Variants in SEC11A observed in about 807,000 individuals in gnomAD.
SEC11A encodes the protein signal peptidase complex catalytic subunit SEC11A.
A neutral mutation model predicts 25.6 loss-of-function variants in SEC11A; 14 were observed. That is an observed-to-expected ratio of 0.55 (90% CI 0.36 to 0.85). The LOEUF is 0.85. SEC11A is among the 40% of genes least tolerant of loss of function. The probability of loss-of-function intolerance (pLI) is 0.01; values close to 1 mark genes in which losing one functional copy is unlikely to be tolerated. For synonymous variants in SEC11A, 83 were observed against 76.4 expected (o/e 1.09, Z -0.45); for missense variants, 153 against 222.9 (o/e 0.69, Z 2.00).
At chr15:84,708,624 G>C (rs1898170449) in intron 1 of SEC11A, among the ~76,000 whole-genome samples, 1 of 151,932 alleles carries the variant, frequency 6.6e-6, no homozygotes, top group Admixed American at 6.6e-5. Flanking sequence ...AAATTAACCA[G>C]GTATGAAATG....
chr15:84,684,705 G>A (rs749459223), intron 3 of SEC11A, among the ~76,000 whole-genome samples: 7 of 152,154 alleles, frequency 4.6e-5, no homozygotes, highest in African/African-American at 9.7e-5. Context: ...GCAGAGGTGG[G>A]TGAATCATTT....
At chr15:84,680,107 T>TGAG (rs1253979609) in intron 4 of SEC11A, 5 of 512,452 alleles carry the variant, frequency 9.8e-6, no homozygotes, top group Non-Finnish European at 1.7e-5. Context: ...TAGTACTTCT[T>TGAG]AAGAAATATA....
chr15:84,680,257 C>T (rs953003943), intron 4 of SEC11A, among the ~76,000 whole-genome samples: 2 of 150,546 alleles, frequency 1.3e-5, no homozygotes, highest in African/African-American at 4.9e-5. Context: ...GCTGAGATCG[C>T]GCTATTGCAC....
At chr15:84,700,924 A>G (rs1222818761) in intron 1 of SEC11A, among the ~76,000 whole-genome samples, 1 of 149,654 alleles carries the variant, frequency 6.7e-6, no homozygotes, top group Non-Finnish European at 1.5e-5. Flanking sequence ...AGGTTGCAGT[A>G]AGCCGACATC....
At chr15:84,678,139 A>G (rs1897189792) in intron 4 of SEC11A, among the ~76,000 whole-genome samples, 1 of 152,122 alleles carries the variant, frequency 6.6e-6, no homozygotes, top group Non-Finnish European at 1.5e-5. Context: ...AGAGGTTGCA[A>G]TAAGCTGAGA....
chr15:84,692,431 G>GA (rs756266069), intron 1 of SEC11A, among the ~76,000 whole-genome samples: 1 of 152,102 alleles, frequency 6.6e-6, no homozygotes, highest in African/African-American at 2.4e-5. Flanking sequence ...AAACTGTCTC[G>GA]AAAAGAGGAG....
At chr15:84,714,886 A>G (rs1288751274) in intron 1 of SEC11A, 1 of 152,240 alleles carries the variant, frequency 6.6e-6, no homozygotes, top group Non-Finnish European at 1.5e-5. Context: ...AGTACAATAA[A>G]TATCAGACTC....
At chr15:84,684,401 C>A (rs1223813194) in intron 3 of SEC11A, among the ~76,000 whole-genome samples, 1 of 152,126 alleles carries the variant, frequency 6.6e-6, no homozygotes, top group Non-Finnish European at 1.5e-5. Context: ...GACCTCTTGC[C>A]TGCCGACATG....
intron 3 of SEC11A, among the ~76,000 whole-genome samples, chr15:84,685,337 A>G (rs1222566209): frequency 6.6e-6 from 1 of 151,898 alleles, no homozygotes; most frequent in Non-Finnish European, 1.5e-5. Context: ...GGCTCACTGC[A>G]GCCTCAACCT....
chr15:84,709,505 T>C (rs1381736364), intron 1 of SEC11A, among the ~76,000 whole-genome samples: 2 of 151,396 alleles, frequency 1.3e-5, no homozygotes, highest in Non-Finnish European at 2.9e-5. Context: ...TGCAGTGGTG[T>C]GATCTTGGCT....
Position 84,691,295 on chromosome 15 carries a change from A to G in SEC11A, c.161+240T>C, listed in dbSNP as rs150308882. Reference sequence around the variant, plus strand: ...CACCACGTTGCCCAAGCTAGTCTCAAATTCCATAGCTCAAGTAATCCACCG... The same window carrying G: ...CACCACGTTGCCCAAGCTAGTCTCAGATTCCATAGCTCAAGTAATCCACCG... On this transcript the variant is annotated intron_variant, in intron 2 of 5. Transcript: ENST00000268220. Among the ~76,000 whole-genome samples the G allele has an allele frequency of 3.9e-3, 601 of 152,180 alleles. 2 individuals carry two copies. The highest frequency in any genetic ancestry group is 0.014 in the African/African-American group (571 of 41,512).
chr15:84,680,964 T>C, intron 3 of SEC11A, 132 bp from the exon 4 acceptor site: 1 of 686,978 alleles, frequency 1.5e-6, no homozygotes, highest in Non-Finnish European at 2.3e-6. Context: ...GAAATAATTA[T>C]TTATGGAGCT....
intron 1 of SEC11A, among the ~76,000 whole-genome samples, chr15:84,695,329 G>A (rs1347640067): frequency 2.0e-5 from 3 of 151,690 alleles, no homozygotes; most frequent in Non-Finnish European, 2.9e-5. Flanking sequence ...TGGGCTTGGT[G>A]GCACATGCCT....
chr15:84,696,688 C>T (rs1037843193), intron 1 of SEC11A, among the ~76,000 whole-genome samples: 11 of 151,922 alleles, frequency 7.2e-5, no homozygotes, highest in Non-Finnish European at 1.2e-4. Flanking sequence ...TGGCAATATC[C>T]CAATATCAAA....
At position 84,701,165 on chromosome 15, in the gene SEC11A, GAA is replaced by G. The variant is rs34721959; in HGVS notation, c.52-9523_52-9522del. On this transcript the variant is annotated intron_variant, in intron 1 of 5. Coordinates refer to ENST00000268220, the MANE Select transcript of SEC11A (RefSeq NM_014300.4). Reference sequence around the variant, plus strand: ...TTATCTCAAATGAAAAAGCAAATAGGAAAAAAAAAAAAAAAAAGACTGAGCCA... The same window carrying G: ...TTATCTCAAATGAAAAAGCAAATAGGAAAAAAAAAAAAAAAGACTGAGCCA... 1.2e-3 allele frequency among the ~76,000 whole-genome samples: 141 copies of G among 118,350 alleles called. 1 individual carries two copies. Among genetic ancestry groups the G allele is most frequent in the Non-Finnish European group, 1.9e-3 (107 of 57,354 alleles). 77.6% of individuals were successfully genotyped at this position (118,350 alleles called of 152,430 possible). A position where few individuals can be genotyped will look rare whatever the true frequency, so the allele number is the denominator to read the frequency against.
intron 2 of SEC11A, among the ~76,000 whole-genome samples, 198 bp downstream of exon 2, chr15:84,691,337 T>C (rs1324219693): frequency 2.0e-5 from 3 of 152,116 alleles, no homozygotes; most frequent in Admixed American, 1.3e-4. Flanking sequence ...GCATCCCAAA[T>C]TGGTGGGATT....
At chr15:84,676,882 G>C (rs55945116) in intron 4 of SEC11A, among the ~76,000 whole-genome samples, 40,694 of 151,666 alleles carry the variant, frequency 0.27, 5,793 homozygotes, top group East Asian at 0.44. Flanking sequence ...CTTGAGCCCA[G>C]GAGTTCAAGA....
chr15:84,708,219 A>AAAAT (rs1898155930), intron 1 of SEC11A, among the ~76,000 whole-genome samples: 1 of 150,964 alleles, frequency 6.6e-6, no homozygotes, highest in Non-Finnish European at 1.5e-5. Context: ...AAAAAAAAAA[A>AAAAT]AAAAAAAAAA....
At chr15:84,688,794 G>A (rs1170128402) in intron 2 of SEC11A, among the ~76,000 whole-genome samples, 1 of 152,182 alleles carries the variant, frequency 6.6e-6, no homozygotes, top group African/African-American at 2.4e-5. Flanking sequence ...ACTTCGGGAG[G>A]CCGAGGTGGG....
Sources: allele counts gnomAD v4.1 joint callset (sites outside exome capture counted in the v4.1 genomes callset), GRCh38; gene constraint gnomAD v4.1.1; transcripts MANE v1.5; gene names NCBI Gene and HGNC (gene_info 2026-07-23, HGNC 2026-07-21).